Variants in RTP2 observed in about 807,000 individuals in gnomAD.
RTP2 encodes the protein receptor transporter protein 2.
In RTP2, 12 loss-of-function variants were observed where a neutral mutation model predicts 17.9. The ratio of observed to expected loss-of-function variants is 0.67; its 90% CI spans 0.43 to 1.09. The LOEUF is 1.09. RTP2 is among the 50% of genes least tolerant of loss of function. RTP2 has a pLI of 0.00. For missense variants in RTP2, 327 were observed against 295.7 expected (o/e 1.11, Z -0.78); for synonymous variants, 126 against 117.7 (o/e 1.07, Z -0.46).
the RTP2 span, among the ~76,000 whole-genome samples, chr3:187,713,104 G>A: frequency 6.6e-6 from 1 of 152,136 alleles, no homozygotes; most frequent in African/African-American, 2.4e-5. Flanking sequence ...CACCTCCTCA[G>A]GCCCTCAGCA....
At chr3:187,710,071 G>A in the RTP2 span, among the ~76,000 whole-genome samples, 5 of 152,154 alleles carry the variant, frequency 3.3e-5, no homozygotes, top group African/African-American at 7.2e-5. Flanking sequence ...CCCTCCCAAC[G>A]TGGATGGGCA....
upstream of RTP2, among the ~76,000 whole-genome samples, chr3:187,706,171 A>G (rs1052911648): frequency 5.3e-5 from 8 of 152,228 alleles, no homozygotes; most frequent in African/African-American, 1.4e-4. Flanking sequence ...TCTTACTCCC[A>G]AGGATAAGGC....
At chr3:187,702,742 T>C (rs1717886339), upstream of RTP2, among the ~76,000 whole-genome samples, 2 of 152,354 alleles carry the variant, frequency 1.3e-5, no homozygotes, top group African/African-American at 4.8e-5. Context: ...AAGATTCAGA[T>C]CTAGGCCTTC....
chr3:187,702,583 G>A, upstream of RTP2: 1 of 456,974 alleles, frequency 2.2e-6, no homozygotes, highest in Non-Finnish European at 4.4e-6. Flanking sequence ...TGAGGGACAG[G>A]GAAAGGCAGA....
At chr3:187,699,491 TCTAA>T (rs1439545058) in intron 1 of RTP2, among the ~76,000 whole-genome samples, 1 of 152,134 alleles carries the variant, frequency 6.6e-6, no homozygotes, top group African/African-American at 2.4e-5. Context: ...AAGAGACGCC[TCTAA>T]CTGTGCCAAG....
At chr3:187,703,247 C>T (rs1049345038), upstream of RTP2, among the ~76,000 whole-genome samples, 3 of 152,186 alleles carry the variant, frequency 2.0e-5, no homozygotes, top group African/African-American at 7.2e-5. Context: ...TTCTTTAACC[C>T]GGAAGTCTGG....
At chr3:187,702,613 C>T (rs1717883482), upstream of RTP2, 1 of 456,292 alleles carries the variant, frequency 2.2e-6, no homozygotes, top group Non-Finnish European at 4.4e-6. Context: ...TTCCACACCC[C>T]CTGATATGCT....
chr3:187,706,664 G>A (rs1246024282), upstream of RTP2, among the ~76,000 whole-genome samples: 4 of 152,072 alleles, frequency 2.6e-5, no homozygotes, highest in African/African-American at 4.8e-5. Flanking sequence ...GTGCAATGGC[G>A]TGATCTCGGC....
chr3:187,704,702 G>A (rs1717946473), upstream of RTP2, among the ~76,000 whole-genome samples: 3 of 152,184 alleles, frequency 2.0e-5, no homozygotes, highest in East Asian at 3.9e-4. Flanking sequence ...CGATGCTATA[G>A]GGCGAATCCA....
At chr3:187,699,136 C>T (rs1717778504) in intron 1 of RTP2, 125 bp from the exon 2 acceptor site, 6 of 1,180,436 alleles carry the variant, frequency 5.1e-6, no homozygotes, top group Non-Finnish European at 4.7e-6. Flanking sequence ...GTTTACTGCC[C>T]TGTGGATTCA....
At chr3:187,703,666 C>T (rs967578237), upstream of RTP2, among the ~76,000 whole-genome samples, 1 of 152,130 alleles carries the variant, frequency 6.6e-6, no homozygotes, top group Admixed American at 6.5e-5. Context: ...AGTTACCAGA[C>T]CAGGTGAGAC....
the RTP2 span, among the ~76,000 whole-genome samples, chr3:187,710,701 G>A: frequency 3.3e-5 from 5 of 151,752 alleles, no homozygotes; most frequent in African/African-American, 9.7e-5. Context: ...TGGACAACCC[G>A]GATTAATACA....
chr3:187,707,018 T>C (rs1050557594), upstream of RTP2, among the ~76,000 whole-genome samples: 5 of 152,198 alleles, frequency 3.3e-5, no homozygotes, highest in African/African-American at 9.7e-5. Flanking sequence ...CTAGGTCTTC[T>C]TGGAAAAATT....
At chr3:187,714,172 G>T in the RTP2 span, among the ~76,000 whole-genome samples, 1 of 152,132 alleles carries the variant, frequency 6.6e-6, no homozygotes, top group Non-Finnish European at 1.5e-5. Flanking sequence ...GAGATGAAAG[G>T]CTTTTGTGAT....
At chr3:187,702,208 C>T in exon 1 of RTP2, 1 of 1,391,904 alleles carries the variant, frequency 7.2e-7, no homozygotes, top group Non-Finnish European at 9.9e-7. Flanking sequence ...CGGGACAATT[C>T]AGTGTCTACG....
chr3:187,706,681 C>T (rs1004520196), upstream of RTP2, among the ~76,000 whole-genome samples: 2 of 152,168 alleles, frequency 1.3e-5, no homozygotes, highest in African/African-American at 4.8e-5. Flanking sequence ...CGGCTCACTG[C>T]AGCCTCTGCC....
the RTP2 span, among the ~76,000 whole-genome samples, chr3:187,710,499 A>C: frequency 6.7e-6 from 1 of 148,348 alleles, no homozygotes; most frequent in African/African-American, 2.6e-5. Context: ...ACCATATGAT[A>C]TGTATGGTTC....
chr3:187,714,359 T>G, the RTP2 span, among the ~76,000 whole-genome samples: 4 of 152,080 alleles, frequency 2.6e-5, no homozygotes, highest in African/African-American at 9.7e-5. Flanking sequence ...AGTGGAACTT[T>G]ACACACATTC....
At chr3:187,702,243 G>T in exon 1 of RTP2, 1 of 1,068,658 alleles carries the variant, frequency 9.4e-7, no homozygotes, top group Non-Finnish European at 1.4e-6. Flanking sequence ...CGGCAGGACT[G>T]GGAGTAAACA....
Sources: gnomAD v4.1 joint callset for allele counts (sites outside exome capture counted in the v4.1 genomes callset) on GRCh38, gnomAD v4.1.1 for gene constraint, MANE v1.5 for transcripts, NCBI Gene and HGNC (gene_info 2026-07-23, HGNC 2026-07-21) for gene names.